The following ENPP1 variants were observed in gnomAD, a reference collection of about 807,000 sequenced individuals.
ENPP1 encodes the protein ectonucleotide pyrophosphatase/phosphodiesterase family member 1.
ENPP1 carries 73 observed loss-of-function variants against 122.8 expected under a neutral mutation model. The ratio of observed to expected loss-of-function variants is 0.59; its 90% CI spans 0.49 to 0.72. The LOEUF is 0.72. Among genes scored for constraint, ENPP1 ranks in the 30% least tolerant of loss-of-function variants. The pLI is 0.00. For missense variants in ENPP1, 978 were observed against 1,128.1 expected (o/e 0.87, Z 1.91); for synonymous variants, 367 against 391.6 (o/e 0.94, Z 0.74).
chr6:131,860,350 A>G (rs1474783957), intron 7 of ENPP1, 37 bp from the exon 8 acceptor site: 1 of 1,515,494 alleles, frequency 6.6e-7, no homozygotes, highest in Non-Finnish European at 9.1e-7. Flanking sequence ...ACATTAAGTA[A>G]ACACAACTTG....
At chr6:131,870,867 A>C in intron 13 of ENPP1, among the ~76,000 whole-genome samples, 1 of 152,184 alleles carries the variant, frequency 6.6e-6, no homozygotes, top group East Asian at 1.9e-4. Flanking sequence ...TCATAAGGTT[A>C]AGAGATCAAG....
At chr6:131,869,636 C>G in intron 13 of ENPP1, 147 bp downstream of exon 13, 2 of 710,442 alleles carry the variant, frequency 2.8e-6, no homozygotes, top group Admixed American at 4.3e-5. Flanking sequence ...CGAGACCAGC[C>G]TGGCCAACAT....
intron 1 of ENPP1, among the ~76,000 whole-genome samples, chr6:131,839,689 T>C (rs1458492030): frequency 6.6e-6 from 1 of 152,132 alleles, no homozygotes; most frequent in Admixed American, 6.5e-5. Flanking sequence ...TGTAGATTTA[T>C]GTATAACCAA....
At position 131,868,046 on chromosome 6, in the gene ENPP1, G is replaced by T. The variant is rs1165149823; in HGVS notation, c.1193G>T (p.Gly398Val). The change falls in exon 12 of 25, where the codon GGT becomes GTT. Residue 398 changes from glycine (G) to valine (V), a missense_variant. This residue lies in a region of ENPP1 where 644 missense variants were observed against 781.5 expected (regional missense o/e 0.82). Coordinates refer to ENST00000647893, the MANE Select transcript of ENPP1 (RefSeq NM_006208.3). ...ATCAAAGCCTTGCAGAGGGTTGATG[G>T]TATGGTTGGTATGCTGATGGATGGT... ...EVIKALQRVD[G>V]MVGMLMDGLK... The T allele has an allele frequency of 6.2e-7, 1 of 1,613,414 alleles. No individual in the cohort carries two copies. Among genetic ancestry groups the T allele is most frequent in the Non-Finnish European group, 8.5e-7 (1 of 1,179,676 alleles).
At position 131,885,824 on chromosome 6, in the gene ENPP1, C is replaced by T. The variant is rs993527989; in HGVS notation, c.2445-738C>T. ...TACTTTCCCTTGAGGCATAAAGCTG[C>T]CTTAGAAGCTGTAGCACTGGAGAGG... On this transcript the variant is annotated intron_variant, in intron 23 of 24. Coordinates refer to ENST00000647893, the MANE Select transcript of ENPP1 (RefSeq NM_006208.3). Among the ~76,000 whole-genome samples, 8 of 152,194 alleles carry T rather than the reference C, an allele frequency of 5.3e-5. No individual in the cohort carries two copies. The East Asian group carries it at 1.5e-3, about 29-fold the overall frequency.
At chr6:131,866,358 A>G (rs940426245) in intron 11 of ENPP1, among the ~76,000 whole-genome samples, 1 of 152,180 alleles carries the variant, frequency 6.6e-6, no homozygotes, top group Non-Finnish European at 1.5e-5. Flanking sequence ...CAGCGTTCAG[A>G]CTAAAGCCTG....
rs1349306284 is a variant in ENPP1 at position 131,892,546 on chromosome 6, C to T, written c.*2035C>T. The T allele has an allele frequency of 6.6e-6, 1 of 152,190 alleles. No homozygotes were observed. The highest frequency in any genetic ancestry group is 2.4e-5 in the African/African-American group (1 of 41,440). 9.4% of individuals were successfully genotyped at this position (152,190 alleles called of 1,614,324 possible). A position where few individuals can be genotyped will look rare whatever the true frequency, so the allele number is the denominator to read the frequency against. On this transcript the variant is annotated 3_prime_UTR_variant, in exon 25 of 25. Coordinates refer to ENST00000647893, the MANE Select transcript of ENPP1 (RefSeq NM_006208.3). Reference sequence around the variant, plus strand: ...GTGACCAGGAAGAGCTTCATTACACCAGGTGGGAATGAAATTCCCAGTAGC... The same window carrying T: ...GTGACCAGGAAGAGCTTCATTACACTAGGTGGGAATGAAATTCCCAGTAGC...
chr6:131,845,264 C>T (rs537261763), intron 1 of ENPP1, among the ~76,000 whole-genome samples: 2 of 151,468 alleles, frequency 1.3e-5, no homozygotes, highest in Admixed American at 1.3e-4. Context: ...AACTCCTGAC[C>T]TCGTGATCCA....
Position 131,811,364 on chromosome 6 carries a change from ATATC to A in ENPP1, c.240+3093_240+3096del, listed in dbSNP as rs201628599. On this transcript the variant is annotated intron_variant, in intron 1 of 24. Coordinates refer to ENST00000647893, the MANE Select transcript of ENPP1 (RefSeq NM_006208.3). The stretch of plus-strand genomic sequence containing the variant: ...GAGTTCTTTAAAAAAACATATATCT[ATATC>A]TATATCTATATATCTATATCTATAT... 2.3e-3 allele frequency among the ~76,000 whole-genome samples: 326 copies of A among 144,018 alleles called. 1 individual carries two copies. The highest frequency in any genetic ancestry group is 8.7e-3 in the African/African-American group (312 of 35,970). The allele number at this position is 144,018 out of a possible 152,430, so 94.5% of individuals were successfully genotyped here.
chr6:131,861,133 G>A (rs1404572237), intron 8 of ENPP1, among the ~76,000 whole-genome samples: 1 of 152,062 alleles, frequency 6.6e-6, no homozygotes, highest in Non-Finnish European at 1.5e-5. Flanking sequence ...AAATCATTCT[G>A]TTTCTGCCTC....
In ENPP1 at chr6:131,869,384, T is replaced by C. The variant is rs757054363; in HGVS notation, c.1300T>C (p.Tyr434His). Residue 434 changes from tyrosine (Y) to histidine (H), a missense_variant, in exon 13 of 25, where the codon TAC (tyrosine) becomes CAC (histidine). Coordinates refer to ENST00000647893, the MANE Select transcript of ENPP1 (RefSeq NM_006208.3). The stretch of plus-strand genomic sequence containing the variant: ...CATGGAACAAGGCAGTTGTAAGAAA[T>C]ACATATATCTGAATAAATATTTGGG... ...HGMEQGSCKK[Y>H]IYLNKYLGDV... is the part of the protein sequence containing the mutation. 8 of 1,613,216 alleles carry C rather than the reference T, an allele frequency of 5.0e-6. No individual in the cohort carries two copies. The highest frequency in any genetic ancestry group is 4.0e-5 in the African/African-American group (3 of 74,884).
intron 20 of ENPP1, among the ~76,000 whole-genome samples, chr6:131,880,556 G>A (rs1160984666): frequency 1.3e-5 from 2 of 149,598 alleles, no homozygotes; most frequent in Non-Finnish European, 3.0e-5. Context: ...GACAGAGTGA[G>A]ACTCCATCTC....
chr6:131,881,343 C>G (rs1398306892), intron 20 of ENPP1, among the ~76,000 whole-genome samples: 1 of 152,032 alleles, frequency 6.6e-6, no homozygotes, highest in East Asian at 1.9e-4. Context: ...TGTAATTGAT[C>G]AGTCTACACC....
intron 1 of ENPP1, among the ~76,000 whole-genome samples, chr6:131,813,336 C>T (rs1427760551): frequency 6.6e-6 from 1 of 151,372 alleles, no homozygotes; most frequent in Non-Finnish European, 1.5e-5. Flanking sequence ...GAAACCCCTT[C>T]AAAAAAAGGG....
At chr6:131,874,536 A>C (rs1387500790) in intron 16 of ENPP1, among the ~76,000 whole-genome samples, 199 bp downstream of exon 16, 12 of 151,584 alleles carry the variant, frequency 7.9e-5, no homozygotes, top group African/African-American at 2.9e-4. Context: ...AAAGTCAAAA[A>C]ACAACAGATG....
chr6:131,825,649 T>G (rs181389998), intron 1 of ENPP1, among the ~76,000 whole-genome samples: 13 of 152,296 alleles, frequency 8.5e-5, no homozygotes, highest in African/African-American at 3.1e-4. Flanking sequence ...ATGATGAAAA[T>G]GTACATAGTA....
At position 131,845,246 on chromosome 6, in the gene ENPP1, T is replaced by C. The variant is rs1159370293; in HGVS notation, c.241-2530T>C. Among the ~76,000 whole-genome samples, 5 of 151,662 alleles carry C rather than the reference T, an allele frequency of 3.3e-5. No individual in the cohort carries two copies. The East Asian group carries it at 9.7e-4, about 30-fold the overall frequency. On this transcript the variant is annotated intron_variant, in intron 1 of 24. Transcript: ENST00000647893. ...CGGGGTTTCACCATCTTGGCCAGGC[T>C]GGTCTTTAACTCCTGACCTCGTGAT...
In ENPP1 at chr6:131,877,148, C is replaced by T. The variant is rs770186943; in HGVS notation, c.1880C>T (p.Ser627Leu). 1.8e-5 allele frequency: 29 copies of T among 1,613,592 alleles called. No individual in the cohort carries two copies. The highest frequency in any genetic ancestry group is 2.4e-5 in the Non-Finnish European group (28 of 1,179,856). Reference protein sequence around the residue: ...TRNPRDNLGCSCNPSILPIED... With the variant: ...TRNPRDNLGCLCNPSILPIED... ...AACCCCAGAGATAACCTTGGCTGCT[C>T]ATGTAACCCTTCGGTAAGTATCGTC... Residue 627 changes from serine (S) to leucine (L), a missense_variant, in exon 18 of 25, where the codon TCA becomes TTA. Coordinates refer to ENST00000647893, the MANE Select transcript of ENPP1 (RefSeq NM_006208.3).
chr6:131,878,111 C>CAA (rs1782258733), intron 18 of ENPP1, among the ~76,000 whole-genome samples: 1 of 151,596 alleles, frequency 6.6e-6, no homozygotes, highest in African/African-American at 2.4e-5. Flanking sequence ...AATGTAACTT[C>CAA]TGTCCAGGCA....
Sources: allele counts gnomAD v4.1 joint callset (sites outside exome capture counted in the v4.1 genomes callset), GRCh38; gene constraint gnomAD v4.1.1; regional missense constraint gnomAD v4.1.1; transcripts MANE v1.5; gene names NCBI Gene and HGNC (gene_info 2026-07-23, HGNC 2026-07-21).